The following TCEA3 variants were observed in gnomAD, a reference collection of about 807,000 sequenced individuals.
The protein encoded by TCEA3 is transcription elongation factor A protein 3.
TCEA3 carries 36 observed loss-of-function variants against 44.0 expected under a neutral mutation model. That is an observed-to-expected ratio of 0.82 (90% confidence interval 0.63 to 1.08). The LOEUF (loss-of-function observed/expected upper bound fraction) is 1.08. Among genes scored for constraint, TCEA3 ranks in the 50% least tolerant of loss-of-function variants. TCEA3 has a pLI of 0.00. For missense variants in TCEA3, 392 were observed against 441.2 expected, an observed-to-expected ratio of 0.89 and a Z score of 1.00; for synonymous variants, 162 against 159.7, an observed-to-expected ratio of 1.01 and a Z score of -0.11.
chr1:23,399,178 A>ATATATC (rs1425816669), intron 5 of TCEA3, among the ~76,000 whole-genome samples: 5 of 141,144 alleles, frequency 3.5e-5, no homozygotes, highest in South Asian at 2.2e-4. Flanking sequence ...ATATATATAT[A>ATATATC]TCCATATGTG....
intron 4 of TCEA3, chr1:23,411,252 G>A (rs1373393649): frequency 6.6e-6 from 1 of 152,226 alleles, no homozygotes. Flanking sequence ...CATCCCCTGG[G>A]TTCAAGAGAT....
intron 4 of TCEA3, among the ~76,000 whole-genome samples, chr1:23,413,293 C>G (rs1041286079): frequency 6.6e-6 from 1 of 151,066 alleles, no homozygotes; most frequent in Non-Finnish European, 1.5e-5. Flanking sequence ...CACGCCACCA[C>G]GCCCGGCTAA....
intron 5 of TCEA3, among the ~76,000 whole-genome samples, chr1:23,406,504 T>C (rs188713503): frequency 6.6e-5 from 10 of 152,292 alleles, no homozygotes; most frequent in African/African-American, 1.9e-4. Flanking sequence ...TCTCCTGCTC[T>C]GACCTCTGAC....
At chr1:23,387,010 G>A (rs187130951) in intron 9 of TCEA3, among the ~76,000 whole-genome samples, 29 of 152,228 alleles carry the variant, frequency 1.9e-4, no homozygotes, top group East Asian at 1.2e-3. Flanking sequence ...GTGAGCCACC[G>A]CGCCCGGCAT....
intron 5 of TCEA3, among the ~76,000 whole-genome samples, chr1:23,407,365 G>A (rs1035392236): frequency 6.6e-6 from 1 of 152,146 alleles, no homozygotes; most frequent in Non-Finnish European, 1.5e-5. Context: ...TGGCACAGCA[G>A]CCAGAGCCAT....
At chr1:23,420,471 T>G (rs1271727451) in intron 1 of TCEA3, among the ~76,000 whole-genome samples, 1 of 152,226 alleles carries the variant, frequency 6.6e-6, no homozygotes, top group Non-Finnish European at 1.5e-5. Flanking sequence ...CTCAAACTTC[T>G]GGCCTCAAGT....
intron 4 of TCEA3, among the ~76,000 whole-genome samples, chr1:23,415,014 CTTTTTTTT>C (rs59946326): frequency 9.0e-4 from 39 of 43,120 alleles, no homozygotes; most frequent in Admixed American, 4.8e-3. Flanking sequence ...CTTTACTGTT[CTTTTTTTT>C]TTTTTTTTTT....
At chr1:23,414,698 G>A (rs1639836417) in intron 4 of TCEA3, among the ~76,000 whole-genome samples, 1 of 152,272 alleles carries the variant, frequency 6.6e-6, no homozygotes, top group South Asian at 2.1e-4. Context: ...ACTGCACCCG[G>A]CCTATTTTCT....
At position 23,393,806 on chromosome 1, in the gene TCEA3, A is replaced by G. The variant is rs542726829; in HGVS notation, c.819+73T>C. 4.0e-5 allele frequency: 62 copies of G among 1,544,310 alleles called. No homozygotes were observed. The Admixed American group carries it at 1.1e-3, about 29-fold the overall frequency. ...GCTCACTGCTGATGAGTCACGAGCC[A>G]CTGACCCTCTGCACTAGGCAGGGCT... On this transcript the variant is annotated intron_variant, in intron 8 of 10. Coordinates refer to ENST00000450454, the MANE Select transcript of TCEA3 (RefSeq NM_003196.3).
At chr1:23,413,263 A>C (rs375039561) in intron 4 of TCEA3, among the ~76,000 whole-genome samples, 46 of 151,594 alleles carry the variant, frequency 3.0e-4, no homozygotes, top group African/African-American at 1.1e-3. Context: ...CAGCCTCCCA[A>C]GTGGCTGAGA....
At chr1:23,384,994 G>A (rs904149288) in intron 9 of TCEA3, among the ~76,000 whole-genome samples, 1 of 152,054 alleles carries the variant, frequency 6.6e-6, no homozygotes, top group Non-Finnish European at 1.5e-5. Flanking sequence ...CAGGCTTAGC[G>A]GTCTAGTTCA....
chr1:23,412,399 CAAAAAAA>C (rs1267820171), intron 4 of TCEA3, among the ~76,000 whole-genome samples: 1 of 55,626 alleles, frequency 1.8e-5, no homozygotes, highest in East Asian at 5.9e-4. Flanking sequence ...GACTCTGTCT[CAAAAAAA>C]AAAAAAAAAA....
At chr1:23,420,751 C>T (rs1265098198) in intron 1 of TCEA3, among the ~76,000 whole-genome samples, 1 of 152,168 alleles carries the variant, frequency 6.6e-6, no homozygotes, top group Non-Finnish European at 1.5e-5. Context: ...AGTGGATGAA[C>T]TTGTGCAGAA....
chr1:23,417,432 T>A lies in TCEA3; in HGVS notation c.239-42A>T, dbSNP rs376180646. 3.8e-6 allele frequency: 6 copies of A among 1,598,062 alleles called. No individual in the cohort carries two copies. The African/African-American group carries it at 6.7e-5, about 18-fold the overall frequency. ...GGCATTGTCCCTCAGCTAAGCTCTG[T>A]CTCAGCAGAACCCAGCATGACTTAG... On this transcript the variant is annotated intron_variant, in intron 3 of 10. Transcript: ENST00000450454.
chr1:23,421,536 A>G (rs898364683), intron 1 of TCEA3, among the ~76,000 whole-genome samples: 3 of 151,982 alleles, frequency 2.0e-5, no homozygotes, highest in Non-Finnish European at 4.4e-5. Flanking sequence ...GTGTTTGCCA[A>G]TTTCTGTGGT....
At chr1:23,408,044 C>T (rs1480939504) in intron 5 of TCEA3, among the ~76,000 whole-genome samples, 1 of 152,106 alleles carries the variant, frequency 6.6e-6, no homozygotes, top group Non-Finnish European at 1.5e-5. Flanking sequence ...TCACTGCAAC[C>T]TCTGCCTCCT....
At chr1:23,392,046 A>C (rs778433837) in intron 8 of TCEA3, among the ~76,000 whole-genome samples, 1 of 152,192 alleles carries the variant, frequency 6.6e-6, no homozygotes, top group Non-Finnish European at 1.5e-5. Flanking sequence ...GCCAAGTTGC[A>C]ATTTATAACT....
intron 10 of TCEA3, among the ~76,000 whole-genome samples, chr1:23,382,148 GC>G (rs1638687651): frequency 6.6e-6 from 1 of 151,128 alleles, no homozygotes; most frequent in Non-Finnish European, 1.5e-5. Flanking sequence ...CTGAGTTCAA[GC>G]GAGTCTCCTG....
rs754160941 is a variant in TCEA3, at chr1:23,381,420, G to A, written c.*46C>T. 2.1e-5 allele frequency: 16 copies of A among 779,284 alleles called. No individual in the cohort carries two copies. The highest frequency in any genetic ancestry group is 4.0e-5 in the South Asian group (3 of 74,260). 48.3% of individuals were successfully genotyped at this position (779,284 alleles called of 1,614,324 possible). A position where few individuals can be genotyped will look rare whatever the true frequency, so the allele number is the denominator to read the frequency against. Reference sequence around the variant, plus strand: ...GCTTCTCCAGTTCAGATAATTCAGCGCTTCCTCTTTCTTCTTCCTCACCTT... The same window carrying A: ...GCTTCTCCAGTTCAGATAATTCAGCACTTCCTCTTTCTTCTTCCTCACCTT... On this transcript the variant is annotated 3_prime_UTR_variant, in exon 11 of 11. Transcript: ENST00000450454.
Sources: gnomAD v4.1 joint callset for allele counts (sites outside exome capture counted in the v4.1 genomes callset) on GRCh38, gnomAD v4.1.1 for gene constraint, MANE v1.5 for transcripts, NCBI Gene and HGNC (gene_info 2026-07-23, HGNC 2026-07-21) for gene names.